GULP1: variants seen among roughly 807,000 people sequenced by gnomAD.
The protein encoded by GULP1 is PTB domain-containing engulfment adapter protein 1.
Under a neutral mutation model 40.9 loss-of-function variants are expected in GULP1, and 19 were observed. That is an observed-to-expected ratio of 0.46 (90% CI 0.32 to 0.68). The LOEUF is 0.68. GULP1 is among the 30% of genes least tolerant of loss of function. The probability of loss-of-function intolerance (pLI) is 0.03; values close to 1 mark genes in which losing one functional copy is unlikely to be tolerated. For missense variants in GULP1, 312 were observed against 362.2 expected (o/e 0.86, Z 1.12); for synonymous variants, 119 against 117.6 (o/e 1.01, Z -0.08).
intron 1 of GULP1, among the ~76,000 whole-genome samples, chr2:188,327,234 G>A (rs905628960): frequency 2.0e-5 from 3 of 152,264 alleles, no homozygotes; most frequent in African/African-American, 7.2e-5. Flanking sequence ...GAATGCCCTA[G>A]GGAATAAGAT....
chr2:188,293,203 G>C (rs1394830688), intron 1 of GULP1: 1 of 152,222 alleles, frequency 6.6e-6, no homozygotes, highest in East Asian at 1.9e-4. Context: ...TGGCAGTCAA[G>C]GTACCCCTCC....
At chr2:188,585,670 A>C (rs1015910461) in intron 10 of GULP1, among the ~76,000 whole-genome samples, 1 of 152,096 alleles carries the variant, frequency 6.6e-6, no homozygotes, top group Non-Finnish European at 1.5e-5. Flanking sequence ...GCAGGACATC[A>C]AGTCCTGAGG....
At chr2:188,592,086 A>G (rs1470490641) in intron 11 of GULP1, 2 of 151,982 alleles carry the variant, frequency 1.3e-5, no homozygotes, top group Non-Finnish European at 2.9e-5. Flanking sequence ...GTCATATACT[A>G]ACACTTTATT....
chr2:188,558,772 G>C (rs557092380), intron 7 of GULP1, among the ~76,000 whole-genome samples: 1 of 152,308 alleles, frequency 6.6e-6, no homozygotes, highest in East Asian at 1.9e-4. Context: ...AACTGAAGCA[G>C]AGGTAACTCT....
intron 7 of GULP1, among the ~76,000 whole-genome samples, chr2:188,555,030 G>C (rs1053900805): frequency 6.6e-6 from 1 of 151,966 alleles, no homozygotes; most frequent in Non-Finnish European, 1.5e-5. Flanking sequence ...GTCTATATGT[G>C]CCTATACTGG....
chr2:188,457,985 C>T (rs567435842), intron 2 of GULP1, among the ~76,000 whole-genome samples: 3 of 152,244 alleles, frequency 2.0e-5, no homozygotes, highest in African/African-American at 7.2e-5. Flanking sequence ...CTAAACAACC[C>T]TCTTTTTCTG....
chr2:188,314,012 A>C (rs1032144472), intron 1 of GULP1, among the ~76,000 whole-genome samples: 13 of 151,880 alleles, frequency 8.6e-5, no homozygotes, highest in Non-Finnish European at 1.5e-4. Context: ...TAAAAAAAAA[A>C]CAAAATACAT....
intron 3 of GULP1, 135 bp downstream of exon 3, chr2:188,477,865 A>G (rs2061141353): frequency 1.6e-6 from 1 of 643,874 alleles, no homozygotes; most frequent in Non-Finnish European, 2.7e-6. Flanking sequence ...GAGCAACACA[A>G]ATCTGCAAAC....
At chr2:188,322,107 G>T (rs1327604571) in intron 1 of GULP1, among the ~76,000 whole-genome samples, 2 of 152,128 alleles carry the variant, frequency 1.3e-5, no homozygotes, top group Non-Finnish European at 2.9e-5. Context: ...CCACTGAGTT[G>T]ATGGGAAAAA....
At chr2:188,378,196 T>C (rs893071382) in intron 1 of GULP1, among the ~76,000 whole-genome samples, 5 of 151,494 alleles carry the variant, frequency 3.3e-5, no homozygotes, top group African/African-American at 9.7e-5. Flanking sequence ...ATCAGGCTTA[T>C]AACACTTTCC....
chr2:188,450,060 G>T (rs1298188810), intron 2 of GULP1, among the ~76,000 whole-genome samples: 2 of 152,028 alleles, frequency 1.3e-5, no homozygotes, highest in Non-Finnish European at 1.5e-5. Flanking sequence ...CAAATTGATG[G>T]TTATCTAAGA....
At chr2:188,448,387 A>T (rs894256242) in intron 2 of GULP1, among the ~76,000 whole-genome samples, 1 of 152,234 alleles carries the variant, frequency 6.6e-6, no homozygotes, top group Admixed American at 6.5e-5. Flanking sequence ...AAATCAATTT[A>T]AAAACAGTAA....
intron 8 of GULP1, 139 bp downstream of exon 8, chr2:188,569,494 A>T (rs372016933): frequency 2.1e-5 from 14 of 670,830 alleles, no homozygotes; most frequent in South Asian, 2.1e-4. Flanking sequence ...CCGTGTTCCC[A>T]TAATTTTTCG....
intron 7 of GULP1, among the ~76,000 whole-genome samples, chr2:188,558,358 TC>T (rs767807663): frequency 3.3e-5 from 5 of 152,192 alleles, no homozygotes; most frequent in Non-Finnish European, 7.3e-5. Context: ...TGCATCTTTC[TC>T]ATTTTCTCTT....
At chr2:188,518,559 G>A (rs891045674) in intron 4 of GULP1, among the ~76,000 whole-genome samples, 1 of 152,048 alleles carries the variant, frequency 6.6e-6, no homozygotes, top group African/African-American at 2.4e-5. Context: ...TCTCAATACT[G>A]GCAAGGTGAC....
intron 11 of GULP1, chr2:188,592,830 A>T (rs766477946): frequency 2.0e-5 from 3 of 152,162 alleles, no homozygotes; most frequent in Non-Finnish European, 2.9e-5. Flanking sequence ...ACAAGTAGAT[A>T]TAGTCAGTCC....
intron 2 of GULP1, among the ~76,000 whole-genome samples, chr2:188,430,432 T>C (rs1264382388): frequency 6.6e-6 from 1 of 152,192 alleles, no homozygotes; most frequent in Non-Finnish European, 1.5e-5. Context: ...AAAGTTAAAC[T>C]TGATGAAAAG....
intron 2 of GULP1, among the ~76,000 whole-genome samples, chr2:188,456,144 C>G (rs1300686308): frequency 6.6e-6 from 1 of 152,142 alleles, no homozygotes; most frequent in African/African-American, 2.4e-5. Flanking sequence ...AAATTTGCAG[C>G]CTGACAAGGC....
intron 2 of GULP1, among the ~76,000 whole-genome samples, chr2:188,423,853 TATA>T (rs2055793241): frequency 6.6e-6 from 1 of 151,770 alleles, no homozygotes; most frequent in South Asian, 2.1e-4. Context: ...TTTAAAAATA[TATA>T]ATATTTTTAA....
Sources: allele counts gnomAD v4.1 joint callset (sites outside exome capture counted in the v4.1 genomes callset), GRCh38; gene constraint gnomAD v4.1.1; transcripts MANE v1.5; gene names NCBI Gene and HGNC (gene_info 2026-07-23, HGNC 2026-07-21).